The following TENM2 variants were observed in gnomAD, a reference collection of about 807,000 sequenced individuals.
The protein encoded by TENM2 is teneurin-2.
In TENM2, 52 loss-of-function variants were observed where a neutral mutation model predicts 245.2. The observed-to-expected ratio is 0.21, with a 90% CI of 0.17 to 0.27. The LOEUF (loss-of-function observed/expected upper bound fraction) is 0.27. TENM2 is among the 10% of genes least tolerant of loss of function. The pLI is 1.00. For synonymous variants in TENM2, 1,363 were observed against 1,438.9 expected (o/e 0.95, Z 1.19); for missense variants, 3,046 against 3,666.8 (o/e 0.83, Z 4.37).
At position 167,476,668 on chromosome 5, in the gene TENM2, G is replaced by A. The variant is rs976760601; in HGVS notation, c.502+101195G>A. ...GGCTGGGGTGCAATGGCATGGTCTTGGCTCACTGCAACCTCTGCTGCCTGG... is the reference window on the plus strand; with the variant it reads ...GGCTGGGGTGCAATGGCATGGTCTTAGCTCACTGCAACCTCTGCTGCCTGG... On this transcript the variant is annotated intron_variant, in intron 2 of 28. Transcript: ENST00000518659. 6.6e-5 allele frequency among the ~76,000 whole-genome samples: 10 copies of A among 152,100 alleles called. No homozygotes were observed. In the East Asian group the frequency reaches 1.5e-3, roughly 24 times the overall value.
chr5:166,979,411 T>C, the TENM2 span, among the ~76,000 whole-genome samples: 1 of 151,988 alleles, frequency 6.6e-6, no homozygotes, highest in African/African-American at 2.4e-5. Flanking sequence ...AGGGTGTGTG[T>C]TGCCCCCTCG....
intron 2 of TENM2, among the ~76,000 whole-genome samples, chr5:167,724,990 TC>T (rs1237729742): frequency 1.3e-5 from 2 of 152,192 alleles, no homozygotes; most frequent in Non-Finnish European, 2.9e-5. Flanking sequence ...AAATGTCCTT[TC>T]TTTTCCAAAT....
At chr5:168,229,755 TTGTC>T (rs1355982188) in intron 25 of TENM2, 2 of 152,202 alleles carry the variant, frequency 1.3e-5, no homozygotes, top group Non-Finnish European at 2.9e-5. Context: ...GATTCCGCCT[TTGTC>T]TGGCTGAAGT....
At chr5:168,214,384 A>G (rs1016880981) in intron 20 of TENM2, among the ~76,000 whole-genome samples, 1 of 152,184 alleles carries the variant, frequency 6.6e-6, no homozygotes, top group Non-Finnish European at 1.5e-5. Flanking sequence ...TGTTACCTAG[A>G]TTTGAAAAGT....
intron 2 of TENM2, among the ~76,000 whole-genome samples, chr5:167,776,169 A>ACACACACACG (rs1283531381): frequency 2.0e-5 from 3 of 150,940 alleles, no homozygotes; most frequent in African/African-American, 7.3e-5. Context: ...ATCCACACAC[A>ACACACACACG]CACACACACA....
intron 2 of TENM2, among the ~76,000 whole-genome samples, chr5:167,770,375 G>A (rs1236588310): frequency 2.0e-5 from 3 of 152,146 alleles, no homozygotes; most frequent in Non-Finnish European, 4.4e-5. Flanking sequence ...ACGGATGGCT[G>A]CAGCCAAGGA....
At chr5:167,865,311 C>A (rs1772211553) in intron 2 of TENM2, among the ~76,000 whole-genome samples, 1 of 152,040 alleles carries the variant, frequency 6.6e-6, no homozygotes, top group Admixed American at 6.6e-5. Flanking sequence ...TAGAGTGTTG[C>A]TCTGCAGTCC....
intron 2 of TENM2, among the ~76,000 whole-genome samples, chr5:167,436,936 T>A (rs1317596820): frequency 6.6e-6 from 1 of 152,078 alleles, no homozygotes; most frequent in Non-Finnish European, 1.5e-5. Context: ...TAGGGAAAAG[T>A]TTGCTGCAGG....
chr5:168,248,287 A>G, exon 27 of TENM2: 2 of 1,614,028 alleles, frequency 1.2e-6, no homozygotes, highest in Non-Finnish European at 1.7e-6. Flanking sequence ...AAACGTGGGC[A>G]AGGAGCCGGC....
At chr5:168,133,461 A>G (rs140544881) in intron 12 of TENM2, among the ~76,000 whole-genome samples, 367 of 152,370 alleles carry the variant, frequency 2.4e-3, no homozygotes, top group African/African-American at 8.4e-3. Flanking sequence ...TTTGATGCAG[A>G]AACATATGAA....
At chr5:167,825,124 A>G (rs184329509) in intron 2 of TENM2, among the ~76,000 whole-genome samples, 113 of 152,294 alleles carry the variant, frequency 7.4e-4, no homozygotes, top group Middle Eastern at 3.4e-3. Flanking sequence ...ATATTTTTAC[A>G]TATTTGTGTA....
chr5:168,162,010 C>T (rs12519010), intron 12 of TENM2, among the ~76,000 whole-genome samples: 1 of 151,822 alleles, frequency 6.6e-6, no homozygotes, highest in Non-Finnish European at 1.5e-5. Context: ...GCCATAAATA[C>T]GTTGAGTGAT....
chr5:167,460,311 A>G (rs1766214852), intron 2 of TENM2, among the ~76,000 whole-genome samples: 1 of 152,192 alleles, frequency 6.6e-6, no homozygotes, highest in African/African-American at 2.4e-5. Context: ...ATATTAATAA[A>G]ATACTATTGG....
the TENM2 span, among the ~76,000 whole-genome samples, chr5:167,105,984 A>C: frequency 5.4e-5 from 8 of 147,056 alleles, no homozygotes; most frequent in Non-Finnish European, 1.2e-4. Context: ...GTGAAGTATT[A>C]TAATATGAAT....
At chr5:167,612,004 G>T (rs762770744) in intron 2 of TENM2, among the ~76,000 whole-genome samples, 2 of 151,976 alleles carry the variant, frequency 1.3e-5, no homozygotes, top group Non-Finnish European at 2.9e-5. Context: ...ATATATATTT[G>T]ACTCCTTTGA....
chr5:168,131,185 A>T (rs982069362), intron 12 of TENM2, among the ~76,000 whole-genome samples: 4 of 152,188 alleles, frequency 2.6e-5, no homozygotes, highest in Non-Finnish European at 5.9e-5. Context: ...CTACCCAGAC[A>T]TCTGCTCCGA....
chr5:168,223,435 T>A (rs1205201296), intron 23 of TENM2, among the ~76,000 whole-genome samples: 3 of 152,152 alleles, frequency 2.0e-5, no homozygotes, highest in Non-Finnish European at 4.4e-5. Flanking sequence ...TTGTTTCTGT[T>A]TATTAAACAT....
At chr5:167,281,679 A>G (rs982963348), upstream of TENM2, among the ~76,000 whole-genome samples, 1 of 152,180 alleles carries the variant, frequency 6.6e-6, no homozygotes, top group African/African-American at 2.4e-5. Flanking sequence ...TCCAAACACT[A>G]AAGTTCTTGA....
intron 2 of TENM2, among the ~76,000 whole-genome samples, chr5:167,547,825 A>G (rs1307918130): frequency 1.3e-5 from 2 of 152,230 alleles, no homozygotes; most frequent in African/African-American, 4.8e-5. Flanking sequence ...CACATGTCCA[A>G]CATATTCTTC....
Sources: allele counts gnomAD v4.1 joint callset (sites outside exome capture counted in the v4.1 genomes callset), GRCh38; gene constraint gnomAD v4.1.1; transcripts MANE v1.5; gene names NCBI Gene and HGNC (gene_info 2026-07-23, HGNC 2026-07-21).